The following MTOR variants were observed in gnomAD, a reference collection of about 807,000 sequenced individuals.
The protein encoded by MTOR is mechanistic target of rapamycin kinase, also known as serine/threonine-protein kinase mTOR.
Under a neutral mutation model 319.8 loss-of-function variants are expected in MTOR, and 70 were observed. That is an observed-to-expected ratio of 0.22 (90% CI 0.18 to 0.27). The LOEUF (loss-of-function observed/expected upper bound fraction) is 0.27, where lower values mean the gene tolerates loss of function less well. Among genes scored for constraint, MTOR ranks in the 10% least tolerant of loss-of-function variants. The pLI is 1.00. For missense variants in MTOR, 1,890 were observed against 3,274.4 expected (o/e 0.58, Z 10.32); for synonymous variants, 1,183 against 1,211.4 (o/e 0.98, Z 0.49).
chr1:11,161,454 A>G lies in MTOR; in HGVS notation c.4330-4163T>C, dbSNP rs138597004. On this transcript the variant is annotated intron_variant, in intron 29 of 57. Transcript: ENST00000361445. ...GACAATAGTGGTTCTCCCAGAACAG[A>G]GTTTGAGATCTGAGAGGCGACAGAC... 2.7e-3 allele frequency among the ~76,000 whole-genome samples: 414 copies of G among 152,264 alleles called. 8 individuals carry two copies. The highest frequency in any genetic ancestry group is 9.3e-3 in the African/African-American group (385 of 41,558).
At chr1:11,177,806 A>C (rs574870030) in intron 28 of MTOR, among the ~76,000 whole-genome samples, 2 of 152,214 alleles carry the variant, frequency 1.3e-5, no homozygotes, top group East Asian at 3.9e-4. Context: ...GTGCAAAAAA[A>C]CTCATCTTTT....
At chr1:11,161,458 T>G (rs1473108112) in intron 29 of MTOR, among the ~76,000 whole-genome samples, 1 of 152,082 alleles carries the variant, frequency 6.6e-6, no homozygotes, top group East Asian at 1.9e-4. Context: ...GAACAGAGTT[T>G]GAGATCTGAG....
Position 11,115,557 on chromosome 1 carries a change from T to C in MTOR, c.7017-89A>G, listed in dbSNP as rs1214042508. ...AGTACGTGATACTGTAAGCTAGGAG[T>C]TGGCAAACGATAGCCCTCAGCCAAT... On this transcript the variant is annotated intron_variant, in intron 50 of 57. Coordinates refer to ENST00000361445, the MANE Select transcript of MTOR (RefSeq NM_004958.4). This position sits in a 1 kb window ranked among gnomAD's most constrained non-coding sequence, Gnocchi z 4.5. 1.5e-6 allele frequency: 2 copies of C among 1,297,786 alleles called. No homozygotes were observed. Among genetic ancestry groups the C allele is most frequent in the African/African-American group, 1.5e-5 (1 of 68,674 alleles). 80.4% of individuals were successfully genotyped at this position (1,297,786 alleles called of 1,614,324 possible). A position where few individuals can be genotyped will look rare whatever the true frequency, so the allele number is the denominator to read the frequency against.
Position 11,199,138 on chromosome 1 carries a change from C to T in MTOR, c.4253+120G>A. Reference sequence around the variant, plus strand: ...TGTCATTTAAACATGCTGGCCAGACCCAGAGGCAGATTTCACAGAGCAGAA... The same window carrying T: ...TGTCATTTAAACATGCTGGCCAGACTCAGAGGCAGATTTCACAGAGCAGAA... On this transcript the variant is annotated intron_variant, in intron 28 of 57. Transcript: ENST00000361445. This position sits in a 1 kb window ranked among gnomAD's most constrained non-coding sequence, Gnocchi z 4.5. 7.7e-7 allele frequency: 1 copy of T among 1,301,216 alleles called. No homozygotes were observed. The highest frequency in any genetic ancestry group is 1.3e-5 in the South Asian group (1 of 76,148). The allele number at this position is 1,301,216 out of a possible 1,614,324, so 80.6% of individuals were successfully genotyped here.
At chr1:11,181,073 C>T (rs1484315328) in intron 28 of MTOR, among the ~76,000 whole-genome samples, 1 of 152,126 alleles carries the variant, frequency 6.6e-6, no homozygotes. Flanking sequence ...CCTTGCCCGC[C>T]CGAAATAAGG....
chr1:11,150,357 T>G, intron 30 of MTOR, 131 bp from the exon 31 acceptor site: 2 of 663,644 alleles, frequency 3.0e-6, no homozygotes, highest in East Asian at 5.7e-5. Context: ...CACATTCTAC[T>G]AGGTCACATA....
At chr1:11,258,712 A>G in intron 2 of MTOR, 119 bp from the exon 3 acceptor site, 1 of 666,646 alleles carries the variant, frequency 1.5e-6, no homozygotes, top group Non-Finnish European at 2.6e-6. Context: ...AAACCAAAGA[A>G]GACAAGTTAC....
chr1:11,228,616 T>G (rs1646922857), intron 19 of MTOR, 52 bp downstream of exon 19: 1 of 1,593,920 alleles, frequency 6.3e-7, no homozygotes, highest in Non-Finnish European at 8.5e-7. Context: ...GATGGATCTG[T>G]GCATGTGTGG....
At position 11,107,507 on chromosome 1, in the gene MTOR, A is replaced by G. The variant is rs1276876216; in HGVS notation, c.7635-7T>C. 1.9e-6 allele frequency: 3 copies of G among 1,612,648 alleles called. No homozygotes were observed. Among genetic ancestry groups the G allele is most frequent in the Non-Finnish European group, 2.5e-6 (3 of 1,179,628 alleles). ...CAGTTACCAGAAAGGGCACCTAAGAAGGCAGAAAGAAAAGGAATATTTTAA... is the reference window on the plus strand; with the variant it reads ...CAGTTACCAGAAAGGGCACCTAAGAGGGCAGAAAGAAAAGGAATATTTTAA... On this transcript the variant is annotated splice_region_variant and splice_polypyrimidine_tract_variant and intron_variant, in intron 57 of 57. Transcript: ENST00000361445.
intron 16 of MTOR, among the ~76,000 whole-genome samples, 165 bp from the exon 17 acceptor site, chr1:11,231,599 A>G (rs1262848110): frequency 6.6e-6 from 1 of 152,226 alleles, no homozygotes; most frequent in Non-Finnish European, 1.5e-5. Context: ...AGGGCATAAA[A>G]CCAAGGTTGA....
chr1:11,238,996 G>A (rs1274525946), intron 11 of MTOR, among the ~76,000 whole-genome samples: 2 of 150,110 alleles, frequency 1.3e-5, no homozygotes, highest in Non-Finnish European at 3.0e-5. Context: ...GGATGGTCTC[G>A]ATCTCCTGAC....
At position 11,228,542 on chromosome 1, in the gene MTOR, T is replaced by C; in HGVS notation, c.3030+126A>G. 3 of 1,297,840 alleles carry C rather than the reference T, an allele frequency of 2.3e-6. No homozygotes were observed. In the South Asian group the frequency reaches 4.2e-5, roughly 18 times the overall value. The allele number at this position is 1,297,840 out of a possible 1,614,324, so 80.4% of individuals were successfully genotyped here. Reference sequence around the variant, plus strand: ...ATTGTACACTTTATATGTTGGGAGTTAAGGGGGAGGAAGGCATTGGGCTCA... The same window carrying C: ...ATTGTACACTTTATATGTTGGGAGTCAAGGGGGAGGAAGGCATTGGGCTCA... On this transcript the variant is annotated intron_variant, in intron 19 of 57. Transcript: ENST00000361445.
chr1:11,225,290 T>C, intron 19 of MTOR, among the ~76,000 whole-genome samples: 1 of 152,130 alleles, frequency 6.6e-6, no homozygotes, highest in Non-Finnish European at 1.5e-5. Context: ...AGTTAATACT[T>C]GGAGTGAAAT....
intron 26 of MTOR, among the ~76,000 whole-genome samples, chr1:11,202,724 G>A (rs1417295724): frequency 6.6e-6 from 1 of 151,890 alleles, no homozygotes; most frequent in Non-Finnish European, 1.5e-5. Flanking sequence ...GATCAGCCTG[G>A]GCAACATAGT....
At position 11,114,306 on chromosome 1, in the gene MTOR, G is replaced by C. The variant is rs1289005464; in HGVS notation, c.7300+12C>G. The C allele has an allele frequency of 1.9e-6, 3 of 1,613,408 alleles. No homozygotes were observed. In the African/African-American group the frequency reaches 4.0e-5, roughly 22 times the overall value. On this transcript the variant is annotated intron_variant, in intron 53 of 57. Coordinates refer to ENST00000361445, the MANE Select transcript of MTOR (RefSeq NM_004958.4). ...CACTGAGCTCAGCTCCCAGGCACTT[G>C]ATGATACTCACTGTCCATCAGCCTC...
intron 28 of MTOR, among the ~76,000 whole-genome samples, chr1:11,172,883 C>G (rs1231195444): frequency 7.0e-6 from 1 of 143,760 alleles, no homozygotes; most frequent in Admixed American, 7.0e-5. Context: ...AAAAAAATTA[C>G]AACTTTGACT....
At chr1:11,239,203 A>T (rs1390234834) in intron 11 of MTOR, among the ~76,000 whole-genome samples, 3 of 152,186 alleles carry the variant, frequency 2.0e-5, no homozygotes, top group African/African-American at 7.2e-5. Flanking sequence ...CCCTTTAAAT[A>T]ATAAATTATT....
At chr1:11,192,693 C>T (rs1038417396) in intron 28 of MTOR, among the ~76,000 whole-genome samples, 6 of 149,534 alleles carry the variant, frequency 4.0e-5, no homozygotes, top group Admixed American at 2.0e-4. Context: ...TGCAGTGAGC[C>T]GAGATCACGC....
rs572439950 is a variant in MTOR at position 11,142,407 on chromosome 1, G to C, written c.4872+2241C>G. 4.6e-5 allele frequency among the ~76,000 whole-genome samples: 7 copies of C among 152,264 alleles called. No homozygotes were observed. In the South Asian group the frequency reaches 6.2e-4, roughly 14 times the overall value. On this transcript the variant is annotated intron_variant, in intron 34 of 57. Coordinates refer to ENST00000361445, the MANE Select transcript of MTOR (RefSeq NM_004958.4). ...AGGTCCAAGCGATTCTCCTGCCTCA[G>C]CCTCCCAAGGAGCTGGGATTACAGG...
Sources: allele counts gnomAD v4.1 joint callset (sites outside exome capture counted in the v4.1 genomes callset), GRCh38; gene constraint gnomAD v4.1.1; non-coding constraint Gnocchi (gnomAD v3.1); transcripts MANE v1.5; gene names NCBI Gene and HGNC (gene_info 2026-07-23, HGNC 2026-07-21).